TNNI3K: variants seen among roughly 807,000 people sequenced by gnomAD.
The protein encoded by TNNI3K is TNNI3 interacting kinase, also known as serine/threonine-protein kinase TNNI3K.
Under a neutral mutation model 114.5 loss-of-function variants are expected in TNNI3K, and 140 were observed. That is an observed-to-expected ratio of 1.22 (90% CI 1.07 to 1.41). TNNI3K has a LOEUF of 1.41. Among genes scored for constraint, TNNI3K ranks in the 40% most tolerant of loss-of-function variants. TNNI3K has a pLI of 0.00. For synonymous variants in TNNI3K, 347 were observed against 347.5 expected (o/e 1.00, Z 0.02); for missense variants, 1,125 against 1,007.6 (o/e 1.12, Z -1.58).
intron 5 of TNNI3K, among the ~76,000 whole-genome samples, chr1:74,288,695 T>G (rs900492787): frequency 6.6e-6 from 1 of 152,148 alleles, no homozygotes; most frequent in African/African-American, 2.4e-5. Context: ...AGATCTAATG[T>G]ACAATGTAGT....
chr1:74,329,528 A>T (rs1660088044), intron 5 of TNNI3K, among the ~76,000 whole-genome samples: 1 of 152,092 alleles, frequency 6.6e-6, no homozygotes, highest in Admixed American at 6.6e-5. Context: ...TTTATATGAC[A>T]ACTATTAGCA....
At chr1:74,389,875 T>G (rs2100565664) in intron 17 of TNNI3K, among the ~76,000 whole-genome samples, 1 of 152,194 alleles carries the variant, frequency 6.6e-6, no homozygotes, top group Admixed American at 6.5e-5. Context: ...GGGTAAAACA[T>G]TAATACAGGA....
chr1:74,285,377 A>G (rs1396314759), intron 5 of TNNI3K, among the ~76,000 whole-genome samples: 1 of 152,092 alleles, frequency 6.6e-6, no homozygotes, highest in Non-Finnish European at 1.5e-5. Context: ...ATTAACTGCT[A>G]CCCATTTGTA....
At chr1:74,248,598 T>TA (rs1654737230) in intron 2 of TNNI3K, among the ~76,000 whole-genome samples, 1 of 152,252 alleles carries the variant, frequency 6.6e-6, no homozygotes, top group African/African-American at 2.4e-5. Flanking sequence ...TTTTGAAGTA[T>TA]AACTCTTGGG....
In TNNI3K at chr1:74,370,315, T is replaced by G; in HGVS notation, c.1695T>G (p.Ile565Met). Residue 565 changes from isoleucine to methionine, a missense_variant, in exon 17 of 25, where the codon ATT becomes ATG. Ile to Met is a conservative substitution (Grantham distance 10, BLOSUM62 1). Transcript: ENST00000326637. ...TTCTTGATTTGCAGTCTAAATTAAT[T>G]ATTGCAGTAGATGTTGCCAAAGGCA... ...KRILDLQSKL[I>M]IAVDVAKGME... 6.2e-7 allele frequency: 1 copy of G among 1,600,990 alleles called. No individual in the cohort carries two copies. Among genetic ancestry groups the G allele is most frequent in the Admixed American group, 1.7e-5 (1 of 58,586 alleles).
At chr1:74,295,780 T>A (rs1657941706) in intron 5 of TNNI3K, among the ~76,000 whole-genome samples, 1 of 152,212 alleles carries the variant, frequency 6.6e-6, no homozygotes, top group Non-Finnish European at 1.5e-5. Context: ...ATTCGTATTT[T>A]AAAATTTGAG....
intron 5 of TNNI3K, among the ~76,000 whole-genome samples, chr1:74,323,553 G>T (rs1423202622): frequency 6.6e-6 from 1 of 152,092 alleles, no homozygotes; most frequent in Non-Finnish European, 1.5e-5. Context: ...GGCAAAGGTG[G>T]CTGGGAAATA....
rs114067975 is a variant in TNNI3K at position 74,410,616 on chromosome 1, A to G, written c.1773-25464A>G. Among the ~76,000 whole-genome samples the G allele has an allele frequency of 3.7e-3, 559 of 152,350 alleles. 3 individuals are homozygous for G. Among genetic ancestry groups the G allele is most frequent in the African/African-American group, 0.011 (444 of 41,578 alleles). ...TCTAATATTTCTCGAAGAGCTCATC[A>G]GCTGCAAAACTAAACCATGAAAGAC... On this transcript the variant is annotated intron_variant, in intron 17 of 24. Coordinates refer to ENST00000326637, the MANE Select transcript of TNNI3K (RefSeq NM_015978.3).
chr1:74,472,300 C>T lies in TNNI3K; in HGVS notation c.2121+8750C>T, dbSNP rs1667975930. 25 of 627,144 alleles carry T rather than the reference C, an allele frequency of 4.0e-5. 1 individual carries two copies. In the South Asian group the frequency reaches 4.8e-4, roughly 12 times the overall value. 38.8% of individuals were successfully genotyped at this position (627,144 alleles called of 1,614,324 possible). ...CCTTATGAAAAGTATAAAACTGACTCCTCTGATAATTGCAGTTCTTCACTA... is the reference window on the plus strand; with the variant it reads ...CCTTATGAAAAGTATAAAACTGACTTCTCTGATAATTGCAGTTCTTCACTA... On this transcript the variant is annotated intron_variant, in intron 21 of 24. Transcript: ENST00000326637.
chr1:74,511,490 G>A (rs1218474425), intron 23 of TNNI3K, among the ~76,000 whole-genome samples: 2 of 152,104 alleles, frequency 1.3e-5, no homozygotes, highest in Non-Finnish European at 2.9e-5. Context: ...CTTACAGGTG[G>A]AAAACACAAA....
At chr1:74,478,529 G>A (rs1668320106) in intron 21 of TNNI3K, among the ~76,000 whole-genome samples, 2 of 152,074 alleles carry the variant, frequency 1.3e-5, no homozygotes, top group African/African-American at 4.8e-5. Context: ...CCAAAACGAT[G>A]TCCTCTAGAA....
At chr1:74,513,922 C>T (rs968147273) in intron 23 of TNNI3K, among the ~76,000 whole-genome samples, 2 of 152,144 alleles carry the variant, frequency 1.3e-5, no homozygotes, top group Non-Finnish European at 2.9e-5. Context: ...GCTGACAGAC[C>T]TTTGTTTTTC....
chr1:74,355,700 A>G (rs1400824226), intron 11 of TNNI3K, among the ~76,000 whole-genome samples: 1 of 152,158 alleles, frequency 6.6e-6, no homozygotes, highest in Non-Finnish European at 1.5e-5. Flanking sequence ...GATGGATGAA[A>G]ATGTAGAGCT....
At chr1:74,348,373 C>G (rs1243936702) in intron 9 of TNNI3K, among the ~76,000 whole-genome samples, 3 of 152,170 alleles carry the variant, frequency 2.0e-5, no homozygotes, top group Admixed American at 2.0e-4. Context: ...GTTTTGGTAG[C>G]AGTACCATGC....
intron 21 of TNNI3K, among the ~76,000 whole-genome samples, chr1:74,465,428 G>C (rs1187307783): frequency 6.6e-6 from 1 of 152,192 alleles, no homozygotes; most frequent in Admixed American, 6.5e-5. Context: ...GGGTGGGCCA[G>C]GTCCCGCAAC....
chr1:74,404,303 T>C lies in TNNI3K; in HGVS notation c.1773-31777T>C, dbSNP rs17095259. On this transcript the variant is annotated intron_variant, in intron 17 of 24. Coordinates refer to ENST00000326637, the MANE Select transcript of TNNI3K (RefSeq NM_015978.3). ...CAATATTGCTGTATGAGTTGTTTTT[T>C]GTTTCTCTATCTATTGCTCTATCCC... Among the ~76,000 whole-genome samples, 690 of 152,258 alleles carry C rather than the reference T, an allele frequency of 4.5e-3. 6 individuals are homozygous for C. The highest frequency in any genetic ancestry group is 0.016 in the African/African-American group (646 of 41,552).
intron 12 of TNNI3K, 90 bp downstream of exon 12, chr1:74,367,432 G>A: frequency 7.1e-7 from 1 of 1,411,398 alleles, no homozygotes; most frequent in South Asian, 1.2e-5. Flanking sequence ...TTCTTTCAGG[G>A]GTTAGGGAGG....
At chr1:74,451,662 C>CTTTTA (rs1278128991) in intron 20 of TNNI3K, among the ~76,000 whole-genome samples, 1 of 44,184 alleles carries the variant, frequency 2.3e-5, no homozygotes, top group African/African-American at 7.4e-5. Context: ...TTTCTTTTTT[C>CTTTTA]TTTTCTTTTC....
At chr1:74,307,929 C>T (rs1658751130) in intron 5 of TNNI3K, among the ~76,000 whole-genome samples, 2 of 152,082 alleles carry the variant, frequency 1.3e-5, no homozygotes. Context: ...TGCCACTGCA[C>T]TCCAGCCTGA....
Sources: allele counts gnomAD v4.1 joint callset (sites outside exome capture counted in the v4.1 genomes callset), GRCh38; gene constraint gnomAD v4.1.1; transcripts MANE v1.5; gene names NCBI Gene and HGNC (gene_info 2026-07-23, HGNC 2026-07-21).